The following ATP8A2 variants were observed in gnomAD, a reference collection of about 807,000 sequenced individuals.
ATP8A2 encodes the protein phospholipid-transporting ATPase IB.
Under a neutral mutation model 165.6 loss-of-function variants are expected in ATP8A2, and 100 were observed. The ratio of observed to expected loss-of-function variants is 0.60; its 90% CI spans 0.51 to 0.71. ATP8A2 has a LOEUF of 0.71. Ranked by LOEUF, ATP8A2 falls within the 30% of genes least tolerant of loss-of-function variation. The probability of loss-of-function intolerance (pLI) is 0.00; values close to 1 mark genes in which losing one functional copy is unlikely to be tolerated. For synonymous variants in ATP8A2, 543 were observed against 548.8 expected, an observed-to-expected ratio of 0.99 and a Z score of 0.15; for missense variants, 1,227 against 1,479.5, an observed-to-expected ratio of 0.83 and a Z score of 2.80.
intron 33 of ATP8A2, among the ~76,000 whole-genome samples, chr13:25,891,386 G>A (rs1167262241): frequency 6.6e-6 from 1 of 152,052 alleles, no homozygotes; most frequent in Non-Finnish European, 1.5e-5. Flanking sequence ...GCAATGGTGC[G>A]ATCTCGGCTC....
chr13:25,968,920 T>C (rs1955850160), intron 35 of ATP8A2, among the ~76,000 whole-genome samples: 1 of 149,966 alleles, frequency 6.7e-6, no homozygotes, highest in Non-Finnish European at 1.5e-5. Context: ...GCAAAACAAC[T>C]CATGTGCAGA....
chr13:25,489,131 G>T (rs2036441280), intron 2 of ATP8A2, among the ~76,000 whole-genome samples: 2 of 152,054 alleles, frequency 1.3e-5, no homozygotes, highest in South Asian at 4.2e-4. Context: ...ATTGCTGGTG[G>T]TTATCGTTCT....
At chr13:26,008,697 TAAAA>T (rs1956789388) in intron 35 of ATP8A2, among the ~76,000 whole-genome samples, 1 of 152,156 alleles carries the variant, frequency 6.6e-6, no homozygotes, top group Non-Finnish European at 1.5e-5. Context: ...GGAATTATTG[TAAAA>T]GCAACCAGAA....
rs558000223 is a variant in ATP8A2 at position 25,531,195 on chromosome 13, T to A, written c.420+535T>A. 2.7e-3 allele frequency among the ~76,000 whole-genome samples: 380 copies of A among 140,408 alleles called. 5 individuals are homozygous for A. The highest frequency in any genetic ancestry group is 9.0e-3 in the African/African-American group (336 of 37,354). The allele number at this position is 140,408 out of a possible 152,430, so 92.1% of individuals were successfully genotyped here. ...ATATGATATATATATGTTATATATG[T>A]TATATATGATATATGTTATATATGA... is the stretch of plus-strand genomic sequence containing the variant. On this transcript the variant is annotated intron_variant, in intron 4 of 36. Coordinates refer to ENST00000381655, the MANE Select transcript of ATP8A2 (RefSeq NM_016529.6).
At chr13:25,665,535 T>C (rs1037601189) in intron 24 of ATP8A2, among the ~76,000 whole-genome samples, 1 of 146,024 alleles carries the variant, frequency 6.8e-6, no homozygotes, top group East Asian at 2.3e-4. Flanking sequence ...CATGACTTTC[T>C]TTCTGGTCTG....
chr13:25,529,376 A>G (rs528211708), intron 2 of ATP8A2, among the ~76,000 whole-genome samples: 1 of 152,226 alleles, frequency 6.6e-6, no homozygotes, highest in Non-Finnish European at 1.5e-5. Flanking sequence ...GGGGATAGAT[A>G]AAATACTAAG....
chr13:25,474,023 G>A (rs2035921803), intron 2 of ATP8A2, among the ~76,000 whole-genome samples: 1 of 152,158 alleles, frequency 6.6e-6, no homozygotes, highest in African/African-American at 2.4e-5. Context: ...CCATAAGGCA[G>A]TTTTCTTCAA....
intron 25 of ATP8A2, among the ~76,000 whole-genome samples, chr13:25,710,918 A>C (rs1238008540): frequency 6.6e-6 from 1 of 152,208 alleles, no homozygotes; most frequent in Non-Finnish European, 1.5e-5. Flanking sequence ...GAGAATCCTG[A>C]AAATGAAGAG....
rs1390910825 is a variant in ATP8A2, at chr13:25,392,543, T to C, written c.76+20255T>C. Among the ~76,000 whole-genome samples, 4 of 152,206 alleles carry C rather than the reference T, an allele frequency of 2.6e-5. No homozygotes were observed. In the East Asian group the frequency reaches 7.7e-4, roughly 29 times the overall value. On this transcript the variant is annotated intron_variant, in intron 1 of 36. Coordinates refer to ENST00000381655, the MANE Select transcript of ATP8A2 (RefSeq NM_016529.6). ...AGGTGGAATGTTAAATATATTCTTT[T>C]AAATTAGAAAAGAAATCAGAAGGCT...
At chr13:25,467,064 A>G (rs998428306) in intron 1 of ATP8A2, among the ~76,000 whole-genome samples, 2 of 152,232 alleles carry the variant, frequency 1.3e-5, no homozygotes, top group Non-Finnish European at 2.9e-5. Context: ...GTCTGGAAGA[A>G]GGGATTCTTG....
intron 18 of ATP8A2, among the ~76,000 whole-genome samples, chr13:25,573,608 C>T (rs1566285782): frequency 6.6e-6 from 1 of 152,296 alleles, no homozygotes; most frequent in Non-Finnish European, 1.5e-5. Flanking sequence ...GAAATGTCCT[C>T]GCCAATAGTC....
At chr13:25,580,045 T>A in intron 22 of ATP8A2, 98 bp downstream of exon 22, 1 of 1,360,430 alleles carries the variant, frequency 7.4e-7, no homozygotes, top group Non-Finnish European at 1.0e-6. Context: ...TGTAGGGATG[T>A]TCTCTTTTCT....
rs936794061 is a variant in ATP8A2, at chr13:25,642,538, A to G, written c.2211+52839A>G. Among the ~76,000 whole-genome samples the G allele has an allele frequency of 8.5e-5, 13 of 152,222 alleles. No individual in the cohort carries two copies. The South Asian group carries it at 1.4e-3, about 17-fold the overall frequency. On this transcript the variant is annotated intron_variant, in intron 24 of 36. Coordinates refer to ENST00000381655, the MANE Select transcript of ATP8A2 (RefSeq NM_016529.6). ...CATCAGAGAAATGCAAATCAAAACA[A>G]TGAGATACCATCTCACACCAGTTAG...
chr13:25,617,106 C>G (rs900963910), intron 24 of ATP8A2, among the ~76,000 whole-genome samples: 1 of 152,174 alleles, frequency 6.6e-6, no homozygotes, highest in Admixed American at 6.5e-5. Context: ...GCAGACAAGA[C>G]TCAATTGATA....
In ATP8A2 at chr13:26,013,040, G is replaced by A. The variant is rs1448354600; in HGVS notation, c.3469+418G>A. Among the ~76,000 whole-genome samples, 3 of 152,080 alleles carry A rather than the reference G, an allele frequency of 2.0e-5. No homozygotes were observed. In the East Asian group the frequency reaches 5.8e-4, roughly 29 times the overall value. On this transcript the variant is annotated intron_variant, in intron 36 of 36. Coordinates refer to ENST00000381655, the MANE Select transcript of ATP8A2 (RefSeq NM_016529.6). ...GCTTCTCCCAGGAAGGCTGCCCCAC[G>A]TCTAAGCCTGGCGTCCCCCTGCCAC... is the stretch of plus-strand genomic sequence containing the variant.
chr13:25,997,894 T>G (rs1956546393), intron 35 of ATP8A2, among the ~76,000 whole-genome samples: 1 of 152,242 alleles, frequency 6.6e-6, no homozygotes, highest in Non-Finnish European at 1.5e-5. Context: ...TGTCAGACAA[T>G]TCCACTGTTT....
intron 27 of ATP8A2, among the ~76,000 whole-genome samples, chr13:25,825,210 G>A (rs1008283837): frequency 6.6e-5 from 8 of 120,600 alleles, no homozygotes; most frequent in African/African-American, 2.5e-4. Flanking sequence ...AGGTTGGAGT[G>A]CAATGGCATG....
At chr13:25,950,242 G>C (rs908806022) in intron 33 of ATP8A2, among the ~76,000 whole-genome samples, 15 of 152,174 alleles carry the variant, frequency 9.9e-5, no homozygotes. Flanking sequence ...GAATGGCCTA[G>C]GAACCACCTG....
chr13:25,924,274 C>T (rs1954536752), intron 33 of ATP8A2, among the ~76,000 whole-genome samples: 1 of 152,176 alleles, frequency 6.6e-6, no homozygotes, highest in Non-Finnish European at 1.5e-5. Flanking sequence ...GCTGCTTTAA[C>T]CATAGAAATG....
Sources: gnomAD v4.1 joint callset for allele counts (sites outside exome capture counted in the v4.1 genomes callset) on GRCh38, gnomAD v4.1.1 for gene constraint, MANE v1.5 for transcripts, NCBI Gene and HGNC (gene_info 2026-07-23, HGNC 2026-07-21) for gene names.